LPP: variants seen among roughly 807,000 people sequenced by gnomAD.
LPP encodes the protein LIM domain containing preferred translocation partner in lipoma, also known as lipoma-preferred partner.
In LPP, 38 loss-of-function variants were observed where a neutral mutation model predicts 60.4. That is an observed-to-expected ratio of 0.63 (90% CI 0.49 to 0.83). The LOEUF is 0.83. Among genes scored for constraint, LPP ranks in the 40% least tolerant of loss-of-function variants. LPP has a pLI of 0.00. For synonymous variants in LPP, 328 were observed against 290.8 expected (o/e 1.13, Z -1.30); for missense variants, 902 against 783.6 (o/e 1.15, Z -1.80).
At chr3:188,530,175 T>A (rs1417331111) in intron 6 of LPP, among the ~76,000 whole-genome samples, 2 of 152,178 alleles carry the variant, frequency 1.3e-5, no homozygotes, top group Non-Finnish European at 2.9e-5. Context: ...TACTTAGCAG[T>A]ACCTAAGTAG....
chr3:188,230,419 G>T (rs759535245), intron 2 of LPP, among the ~76,000 whole-genome samples: 1 of 152,084 alleles, frequency 6.6e-6, no homozygotes, highest in Non-Finnish European at 1.5e-5. Flanking sequence ...CAGGCCTTAC[G>T]CTGAGTGCTT....
chr3:188,867,287 G>A (rs1766900027), intron 10 of LPP, among the ~76,000 whole-genome samples: 1 of 147,380 alleles, frequency 6.8e-6, no homozygotes, highest in South Asian at 2.1e-4. Flanking sequence ...ATAATAATAT[G>A]TAAATATATT....
intron 1 of LPP, among the ~76,000 whole-genome samples, chr3:188,221,603 C>T (rs904351948): frequency 3.3e-5 from 5 of 152,144 alleles, no homozygotes; most frequent in Admixed American, 1.3e-4. Context: ...CCCGGCCATT[C>T]GAATTGTTTT....
intron 2 of LPP, among the ~76,000 whole-genome samples, chr3:188,275,530 C>T (rs759076695): frequency 4.4e-4 from 67 of 152,100 alleles, no homozygotes; most frequent in Non-Finnish European, 8.2e-4. Context: ...TGGCTCTCCA[C>T]CTTATTAAAG....
intron 2 of LPP, among the ~76,000 whole-genome samples, chr3:188,241,083 T>A (rs1724512605): frequency 6.6e-6 from 1 of 152,228 alleles, no homozygotes. Context: ...CACAGTTTTA[T>A]CAGGGAAGTG....
chr3:188,642,451 G>T (rs1425808657), intron 7 of LPP, among the ~76,000 whole-genome samples: 2 of 152,210 alleles, frequency 1.3e-5, no homozygotes, highest in African/African-American at 4.8e-5. Context: ...GCCGGACTAA[G>T]AAATGGAATA....
intron 9 of LPP, among the ~76,000 whole-genome samples, chr3:188,770,304 G>T (rs748271549): frequency 6.8e-6 from 1 of 147,856 alleles, no homozygotes; most frequent in Non-Finnish European, 1.5e-5. Context: ...TCAGCCTCCC[G>T]AGTAGTTGGG....
intron 4 of LPP, among the ~76,000 whole-genome samples, chr3:188,474,019 G>C (rs1373614983): frequency 6.6e-6 from 1 of 152,112 alleles, no homozygotes; most frequent in Admixed American, 6.5e-5. Context: ...TCTAGCTGTT[G>C]GTATCATGAA....
At chr3:188,487,632 A>C (rs1466291945) in intron 5 of LPP, among the ~76,000 whole-genome samples, 1 of 152,194 alleles carries the variant, frequency 6.6e-6, no homozygotes, top group East Asian at 1.9e-4. Context: ...GAAAACGAAC[A>C]TGCCCTCCCC....
chr3:188,804,246 TATATATATA>T (rs1560226926), intron 9 of LPP, among the ~76,000 whole-genome samples: 3 of 55,628 alleles, frequency 5.4e-5, no homozygotes, highest in African/African-American at 2.0e-4. Context: ...TGCATCTTTA[TATATATATA>T]TATATATATA....
At chr3:188,157,813 G>A (rs1320745687) in intron 1 of LPP, among the ~76,000 whole-genome samples, 1 of 151,982 alleles carries the variant, frequency 6.6e-6, no homozygotes, top group Non-Finnish European at 1.5e-5. Flanking sequence ...GGGTGTCTGA[G>A]CTGAACCTCT....
At chr3:188,686,443 T>C (rs927560579) in intron 7 of LPP, among the ~76,000 whole-genome samples, 2 of 152,198 alleles carry the variant, frequency 1.3e-5, no homozygotes, top group African/African-American at 4.8e-5. Flanking sequence ...TTAATGGGCA[T>C]AGATACTGGG....
At chr3:188,558,699 T>C (rs530311898) in intron 6 of LPP, among the ~76,000 whole-genome samples, 2 of 152,178 alleles carry the variant, frequency 1.3e-5, no homozygotes, top group Admixed American at 1.3e-4. Context: ...GTAAATAGCA[T>C]TACCATGACT....
chr3:188,857,931 G>A (rs1255804207), intron 9 of LPP, among the ~76,000 whole-genome samples: 1 of 152,062 alleles, frequency 6.6e-6, no homozygotes, highest in Non-Finnish European at 1.5e-5. Context: ...TTTGTATAGG[G>A]AATTTATAAA....
At chr3:188,522,285 GC>G (rs1396640713) in intron 5 of LPP, among the ~76,000 whole-genome samples, 3 of 152,162 alleles carry the variant, frequency 2.0e-5, no homozygotes, top group African/African-American at 7.2e-5. Flanking sequence ...CACAAGGCTA[GC>G]CTTCAAATCT....
At chr3:188,475,288 AT>A in intron 4 of LPP, among the ~76,000 whole-genome samples, 2 of 152,354 alleles carry the variant, frequency 1.3e-5, no homozygotes, top group South Asian at 4.1e-4. Flanking sequence ...CTCAAAGAGC[AT>A]TTCAAGCTAA....
At chr3:188,764,757 A>G (rs886284343) in intron 9 of LPP, among the ~76,000 whole-genome samples, 7 of 152,186 alleles carry the variant, frequency 4.6e-5, no homozygotes, top group African/African-American at 1.7e-4. Context: ...TCTCAGCAAA[A>G]GTCTATTTAT....
At chr3:188,501,189 G>A (rs1301787481) in intron 5 of LPP, among the ~76,000 whole-genome samples, 1 of 152,116 alleles carries the variant, frequency 6.6e-6, no homozygotes, top group Non-Finnish European at 1.5e-5. Context: ...ATGGTGTATA[G>A]CTATAAATTG....
chr3:188,396,743 G>T (rs1781043066), intron 3 of LPP, among the ~76,000 whole-genome samples: 1 of 152,130 alleles, frequency 6.6e-6, no homozygotes, highest in Admixed American at 6.5e-5. Context: ...GCAGGCTATT[G>T]TTGCCTGTTT....
Sources: gnomAD v4.1 joint callset for allele counts (sites outside exome capture counted in the v4.1 genomes callset) on GRCh38, gnomAD v4.1.1 for gene constraint, MANE v1.5 for transcripts, NCBI Gene and HGNC (gene_info 2026-07-23, HGNC 2026-07-21) for gene names.